Variants in EPHA8 observed in about 807,000 individuals in gnomAD.
The protein encoded by EPHA8 is EPH receptor A8, also known as ephrin type-A receptor 8.
In EPHA8, 58 loss-of-function variants were observed where a neutral mutation model predicts 103.6. The observed-to-expected ratio is 0.56, with a 90% CI of 0.45 to 0.70. The LOEUF (loss-of-function observed/expected upper bound fraction) is 0.70, where lower values mean the gene tolerates loss of function less well. EPHA8 is among the 30% of genes least tolerant of loss of function. EPHA8 has a pLI of 0.00. For synonymous variants in EPHA8, 559 were observed against 572.5 expected (o/e 0.98, Z 0.34); for missense variants, 1,304 against 1,395.2 (o/e 0.93, Z 1.04).
rs1001738830 is a variant in EPHA8, at chr1:22,590,579, C to T, written c.1315+1373C>T. 5.3e-5 allele frequency among the ~76,000 whole-genome samples: 8 copies of T among 152,254 alleles called. No homozygotes were observed. The East Asian group carries it at 9.7e-4, about 18-fold the overall frequency. ...TCTCTTGCTCGTGTGTCCCAGCCCA[C>T]GCCCATTTTCCATTGACCTGTGTGG... On this transcript the variant is annotated intron_variant, in intron 5 of 16. Coordinates refer to ENST00000166244, the MANE Select transcript of EPHA8 (RefSeq NM_020526.5).
At chr1:22,588,191 A>G (rs1641269445) in intron 4 of EPHA8, among the ~76,000 whole-genome samples, 1 of 152,210 alleles carries the variant, frequency 6.6e-6, no homozygotes, top group Non-Finnish European at 1.5e-5. Context: ...AATTCTGAGA[A>G]CTGGAATTCT....
At chr1:22,593,796 G>A in intron 7 of EPHA8, 110 bp downstream of exon 7, 1 of 1,299,942 alleles carries the variant, frequency 7.7e-7, no homozygotes, top group Non-Finnish European at 1.0e-6. Context: ...GCCAATGCAG[G>A]ATTTCTGCTC....
intron 3 of EPHA8, among the ~76,000 whole-genome samples, 181 bp downstream of exon 3, chr1:22,577,061 C>G (rs771978281): frequency 2.6e-5 from 4 of 152,122 alleles, no homozygotes; most frequent in Non-Finnish European, 5.9e-5. Flanking sequence ...CCACCTGTGT[C>G]CGTGTGTTGG....
intron 9 of EPHA8, among the ~76,000 whole-genome samples, chr1:22,596,736 A>C (rs1301610702): frequency 2.6e-5 from 4 of 151,454 alleles, no homozygotes; most frequent in African/African-American, 9.7e-5. Context: ...ATCTCAGCTC[A>C]CTGCAACCTC....
chr1:22,586,483 G>A lies in EPHA8; in HGVS notation c.827G>A (p.Cys276Tyr). The A allele has an allele frequency of 6.2e-7, 1 of 1,613,338 alleles. No homozygotes were observed. The change falls in exon 4 of 17, where the codon TGT becomes TAT. Residue 276 changes from cysteine (C) to tyrosine (Y), a missense_variant. By Grantham distance (194) the Cys-to-Tyr change is radical (BLOSUM62 -2). Transcript: ENST00000166244. ...GCAGCCGCCTTCTCCTCCACAGCCT[G>A]TGAGCTGGGCTTCTACAAGTCAGCC... is the stretch of plus-strand genomic sequence containing the variant. ...YEERRDACVA[C>Y]ELGFYKSAPG...
chr1:22,600,309 AAAG>A (rs777440547), intron 13 of EPHA8, among the ~76,000 whole-genome samples: 11 of 148,482 alleles, frequency 7.4e-5, no homozygotes, highest in East Asian at 6.3e-4. Flanking sequence ...GGGAAGAGGA[AAAG>A]AAGGGAGGAA....
intron 8 of EPHA8, 112 bp downstream of exon 8, chr1:22,595,435 T>A: frequency 1.3e-6 from 1 of 752,832 alleles, no homozygotes; most frequent in Non-Finnish European, 2.2e-6. Context: ...CTGGCTCACT[T>A]ACAAACACAC....
chr1:22,572,992 A>T (rs1640584853), intron 2 of EPHA8, among the ~76,000 whole-genome samples: 1 of 152,200 alleles, frequency 6.6e-6, no homozygotes, highest in African/African-American at 2.4e-5. Flanking sequence ...TGATTAATTT[A>T]TCCGGGTCCC....
At position 22,598,741 on chromosome 1, in the gene EPHA8, C is replaced by A; in HGVS notation, c.2179-97C>A. Reference sequence around the variant, plus strand: ...CACTTGGCAAATTGCAAAGCACCGTCTCAACTCGAGAGCATCCTACAGATG... The same window carrying A: ...CACTTGGCAAATTGCAAAGCACCGTATCAACTCGAGAGCATCCTACAGATG... On this transcript the variant is annotated intron_variant, in intron 12 of 16. Transcript: ENST00000166244. This position sits in a 1 kb window ranked among gnomAD's most constrained non-coding sequence, Gnocchi z 5.1. The A allele has an allele frequency of 7.8e-7, 1 of 1,282,536 alleles. No homozygotes were observed. The allele number at this position is 1,282,536 out of a possible 1,614,324, so 79.4% of individuals were successfully genotyped here.
rs1478572453 is a variant in EPHA8, at chr1:22,577,957, ATG to A, written c.823+1084_823+1085del. ...TGAGTGTATGTGTGCGAGTGTATGC[ATG>A]TGTGTGCATGTGCGTATGTGTGCAT... On this transcript the variant is annotated intron_variant, in intron 3 of 16. Coordinates refer to ENST00000166244, the MANE Select transcript of EPHA8 (RefSeq NM_020526.5). 9.1e-4 allele frequency among the ~76,000 whole-genome samples: 68 copies of A among 74,702 alleles called. 1 individual carries two copies. Among genetic ancestry groups the A allele is most frequent in the African/African-American group, 3.6e-3 (58 of 16,148 alleles). 49.0% of individuals were successfully genotyped at this position (74,702 alleles called of 152,430 possible). A position where few individuals can be genotyped will look rare whatever the true frequency, so the allele number is the denominator to read the frequency against.
chr1:22,570,644 G>C (rs773381569), intron 2 of EPHA8, among the ~76,000 whole-genome samples: 1 of 152,010 alleles, frequency 6.6e-6, no homozygotes, highest in East Asian at 1.9e-4. Flanking sequence ...CTCTCTCTCT[G>C]GGGGTCTGGT....
In EPHA8 at chr1:22,563,860, C is replaced by CG. The variant is rs2124502182; in HGVS notation, c.94+135dup. On this transcript the variant is annotated intron_variant, in intron 1 of 16. Transcript: ENST00000166244. The surrounding 1 kb of genome is among the most constrained non-coding windows in gnomAD (Gnocchi z 4.4). Reference sequence around the variant, plus strand: ...GGCCGGGATCCCTCGGCCCGGGGGGCGGGGTGGCACCGCGGAAGAGACCCG... The same window carrying CG: ...GGCCGGGATCCCTCGGCCCGGGGGGCGGGGGTGGCACCGCGGAAGAGACCCG... 1 of 152,668 alleles carries CG rather than the reference C, an allele frequency of 6.6e-6. No individual in the cohort carries two copies. The highest frequency in any genetic ancestry group is 2.4e-5 in the African/African-American group (1 of 41,462). The allele number at this position is 152,668 out of a possible 1,614,324, so 9.5% of individuals were successfully genotyped here.
At chr1:22,592,321 C>A (rs2148257922) in intron 5 of EPHA8, among the ~76,000 whole-genome samples, 1 of 152,236 alleles carries the variant, frequency 6.6e-6, no homozygotes, top group South Asian at 2.1e-4. Context: ...CTCATCGAAT[C>A]CTCCCCTCCC....
At chr1:22,595,136 G>A in intron 7 of EPHA8, 94 bp from the exon 8 acceptor site, 1 of 1,052,024 alleles carries the variant, frequency 9.5e-7, no homozygotes, top group Non-Finnish European at 1.4e-6. Flanking sequence ...CTGGCCCCAG[G>A]GTCACAGCCA....
At position 22,576,454 on chromosome 1, in the gene EPHA8, C is replaced by A. The variant is rs138738837; in HGVS notation, c.397C>A (p.Leu133Met). The A allele has an allele frequency of 1.2e-6, 2 of 1,613,972 alleles. No individual in the cohort carries two copies. Among genetic ancestry groups the A allele is most frequent in the African/African-American group, 2.7e-5 (2 of 74,936 alleles). Residue 133 changes from leucine to methionine, a missense_variant, in exon 3 of 17, where the codon CTG becomes ATG. Physicochemically the swap from Leu to Met is conservative, Grantham distance 15. Coordinates refer to ENST00000166244, the MANE Select transcript of EPHA8 (RefSeq NM_020526.5). The surrounding 1 kb of genome is among the most constrained non-coding windows in gnomAD (Gnocchi z 4.8). Reference sequence around the variant, plus strand: ...CTACTACCTGGAGTCGGACCGCGACCTGGGGGCCAGCACACAAGAAAGCCA... The same window carrying A: ...CTACTACCTGGAGTCGGACCGCGACATGGGGGCCAGCACACAAGAAAGCCA... ...NLYYLESDRD[L>M]GASTQESQFL...
At chr1:22,584,916 G>T (rs1641149736) in intron 3 of EPHA8, among the ~76,000 whole-genome samples, 1 of 152,168 alleles carries the variant, frequency 6.6e-6, no homozygotes, top group African/African-American at 2.4e-5. Context: ...GCCCACGGGG[G>T]CCTCCCAGTC....
chr1:22,586,783 G>GGTGA, intron 4 of EPHA8, 148 bp downstream of exon 4: 1 of 1,016,272 alleles, frequency 9.8e-7, no homozygotes, highest in Non-Finnish European at 1.4e-6. Flanking sequence ...TCTGAGGTGG[G>GGTGA]GGGGGTGACT....
rs551663672 is a variant in EPHA8, at chr1:22,570,384, G to A, written c.159+1031G>A. On this transcript the variant is annotated intron_variant, in intron 2 of 16. Transcript: ENST00000166244. The stretch of plus-strand genomic sequence containing the variant: ...CACACACGTGTGCGCGTACACACAC[G>A]CGCGCGCGCATACGCACATATGCAC... 1.9e-3 allele frequency among the ~76,000 whole-genome samples: 163 copies of A among 84,236 alleles called. 1 individual carries two copies. The highest frequency in any genetic ancestry group is 0.011 in the African/African-American group (115 of 10,540). 55.3% of individuals were successfully genotyped at this position (84,236 alleles called of 152,430 possible). A position where few individuals can be genotyped will look rare whatever the true frequency, so the allele number is the denominator to read the frequency against.
At chr1:22,571,850 A>G (rs1331706511) in intron 2 of EPHA8, among the ~76,000 whole-genome samples, 1 of 152,112 alleles carries the variant, frequency 6.6e-6, no homozygotes, top group Non-Finnish European at 1.5e-5. Context: ...CAGCCTGGGC[A>G]ACATAGTGAG....
Sources: gnomAD v4.1 joint callset for allele counts (sites outside exome capture counted in the v4.1 genomes callset) on GRCh38, gnomAD v4.1.1 for gene constraint, Gnocchi (gnomAD v3.1) non-coding constraint, MANE v1.5 for transcripts, NCBI Gene and HGNC (gene_info 2026-07-23, HGNC 2026-07-21) for gene names.